Variants in ROBO2 observed in about 807,000 individuals in gnomAD.
ROBO2 encodes roundabout homolog 2.
In ROBO2, 53 loss-of-function variants were observed where a neutral mutation model predicts 160.8. The observed-to-expected ratio is 0.33, with a 90% CI of 0.26 to 0.41. The LOEUF (loss-of-function observed/expected upper bound fraction) is 0.41. Among genes scored for constraint, ROBO2 ranks in the 10% least tolerant of loss-of-function variants. The pLI is 1.00. For synonymous variants in ROBO2, 664 were observed against 611.7 expected (o/e 1.09, Z -1.26); for missense variants, 1,577 against 1,722.4 (o/e 0.92, Z 1.49).
chr3:76,493,364 T>TATATATATAA lies in ROBO2; in HGVS notation c.109+555763_109+555764insTATATATAAA, dbSNP rs1491215318. 6.2e-4 allele frequency among the ~76,000 whole-genome samples: 85 copies of TATATATATAA among 136,742 alleles called. 1 individual carries two copies. Among genetic ancestry groups the TATATATATAA allele is most frequent in the African/African-American group, 2.2e-3 (80 of 37,200 alleles). 89.7% of individuals were successfully genotyped at this position (136,742 alleles called of 152,430 possible). Reference sequence around the variant, plus strand: ...ATATATATATATATATATATATATATAATTGTATATACATGTACAAAAAAG... The same window carrying TATATATATAA: ...ATATATATATATATATATATATATATATATATATAAAATTGTATATACATGTACAAAAAAG... On this transcript the variant is annotated intron_variant, in intron 2 of 26. Transcript: ENST00000487694.
intron 2 of ROBO2, among the ~76,000 whole-genome samples, chr3:76,345,058 A>C (rs1448067104): frequency 6.6e-6 from 1 of 152,186 alleles, no homozygotes; most frequent in Non-Finnish European, 1.5e-5. Context: ...CCTGAGCGCC[A>C]CTGCCTTTTG....
chr3:77,168,661 G>A (rs192478032), intron 2 of ROBO2, among the ~76,000 whole-genome samples: 131 of 152,050 alleles, frequency 8.6e-4, no homozygotes, highest in Non-Finnish European at 1.7e-3. Context: ...TTTTTGCCCC[G>A]ACTCCTAGTA....
At chr3:75,921,764 T>G (rs969246106) in intron 1 of ROBO2, among the ~76,000 whole-genome samples, 1 of 152,150 alleles carries the variant, frequency 6.6e-6, no homozygotes, top group Middle Eastern at 3.2e-3. Context: ...TATCTAGCAA[T>G]AAAACAAATC....
chr3:76,912,197 G>T (rs889625357), intron 2 of ROBO2, among the ~76,000 whole-genome samples: 2 of 152,054 alleles, frequency 1.3e-5, no homozygotes, highest in Non-Finnish European at 2.9e-5. Context: ...AGGAAATACT[G>T]AATTAGATGC....
intron 6 of ROBO2, among the ~76,000 whole-genome samples, chr3:77,537,531 A>T (rs570732418): frequency 6.6e-6 from 1 of 152,142 alleles, no homozygotes; most frequent in East Asian, 1.9e-4. Flanking sequence ...CTCTTTGATT[A>T]TTTTTTCATA....
At chr3:77,063,336 G>C (rs576265036) in intron 1 of ROBO2, among the ~76,000 whole-genome samples, 1 of 152,304 alleles carries the variant, frequency 6.6e-6, no homozygotes, top group East Asian at 1.9e-4. Flanking sequence ...ATAATGTGAA[G>C]ATGGTAAGGA....
chr3:76,325,268 T>C (rs914811474), intron 2 of ROBO2, among the ~76,000 whole-genome samples: 1 of 152,218 alleles, frequency 6.6e-6, no homozygotes, highest in Non-Finnish European at 1.5e-5. Flanking sequence ...GAATGTCAAC[T>C]TTTATGGTAT....
chr3:77,486,339 A>G (rs757284342), intron 4 of ROBO2, among the ~76,000 whole-genome samples: 3 of 152,202 alleles, frequency 2.0e-5, no homozygotes, highest in Non-Finnish European at 2.9e-5. Flanking sequence ...AGGAATCACC[A>G]CACTGTCTTC....
At chr3:76,277,665 A>G (rs1286199393) in intron 2 of ROBO2, among the ~76,000 whole-genome samples, 2 of 151,996 alleles carry the variant, frequency 1.3e-5, no homozygotes, top group Non-Finnish European at 2.9e-5. Context: ...TCAATAATAC[A>G]GTCATTAAAA....
chr3:76,564,566 TCA>T (rs1165390723), intron 2 of ROBO2, among the ~76,000 whole-genome samples: 1 of 152,184 alleles, frequency 6.6e-6, no homozygotes, highest in African/African-American at 2.4e-5. Flanking sequence ...CACATGTCAG[TCA>T]GAGAGCAGGA....
At chr3:76,662,519 A>AT (rs74400757) in intron 2 of ROBO2, among the ~76,000 whole-genome samples, 41,155 of 149,364 alleles carry the variant, frequency 0.28, 6,127 homozygotes, top group East Asian at 0.51. Context: ...AGGAACTCAG[A>AT]TTTTTTTTTT....
At chr3:76,746,392 C>T (rs972994316) in intron 2 of ROBO2, among the ~76,000 whole-genome samples, 1 of 151,968 alleles carries the variant, frequency 6.6e-6, no homozygotes, top group Non-Finnish European at 1.5e-5. Context: ...AGTTCTAGGT[C>T]CCTGAGGAAT....
intron 1 of ROBO2, among the ~76,000 whole-genome samples, chr3:77,063,644 G>A (rs1223085398): frequency 6.6e-6 from 1 of 152,128 alleles, no homozygotes; most frequent in Non-Finnish European, 1.5e-5. Context: ...CGTGTGAAGA[G>A]CTCTTTGCTC....
intron 24 of ROBO2, among the ~76,000 whole-genome samples, chr3:77,635,787 A>G (rs1313863208): frequency 6.6e-6 from 1 of 152,242 alleles, no homozygotes; most frequent in Non-Finnish European, 1.5e-5. Context: ...TGACACTTGC[A>G]TAACAACGAA....
At chr3:76,672,126 T>G (rs890704432) in intron 2 of ROBO2, among the ~76,000 whole-genome samples, 1 of 152,162 alleles carries the variant, frequency 6.6e-6, no homozygotes, top group African/African-American at 2.4e-5. Context: ...GGTAGAAATC[T>G]TAGTGAGGGC....
intron 2 of ROBO2, among the ~76,000 whole-genome samples, chr3:76,346,972 G>A (rs140569809): frequency 1.3e-5 from 2 of 152,262 alleles, no homozygotes; most frequent in African/African-American, 4.8e-5. Context: ...AGCACAGCTT[G>A]AAGAAGGTTA....
At chr3:77,554,305 C>A (rs960278098) in intron 8 of ROBO2, among the ~76,000 whole-genome samples, 4 of 151,900 alleles carry the variant, frequency 2.6e-5, no homozygotes, top group African/African-American at 9.7e-5. Context: ...TCTACGTGTA[C>A]CTTGTCACCC....
chr3:76,010,076 G>A (rs2066149497), intron 2 of ROBO2, among the ~76,000 whole-genome samples: 1 of 152,146 alleles, frequency 6.6e-6, no homozygotes, highest in Admixed American at 6.5e-5. Context: ...GACATCTGTA[G>A]ATACTTGTGC....
intron 2 of ROBO2, among the ~76,000 whole-genome samples, chr3:76,359,852 T>A (rs2075400740): frequency 6.6e-6 from 1 of 152,028 alleles, no homozygotes; most frequent in African/African-American, 2.4e-5. Context: ...GAAGCCAGTA[T>A]ATTATAGAGA....
Sources: allele counts gnomAD v4.1 joint callset (sites outside exome capture counted in the v4.1 genomes callset), GRCh38; gene constraint gnomAD v4.1.1; transcripts MANE v1.5; gene names NCBI Gene and HGNC (gene_info 2026-07-23, HGNC 2026-07-21).